The following OPLAH variants were observed in gnomAD, a reference collection of about 807,000 sequenced individuals.
OPLAH encodes 5-oxoprolinase, ATP-hydrolysing.
Under a neutral mutation model 122.8 loss-of-function variants are expected in OPLAH, and 103 were observed. That is an observed-to-expected ratio of 0.84 (90% CI 0.71 to 0.99). The LOEUF (loss-of-function observed/expected upper bound fraction) is 0.99, where lower values mean the gene tolerates loss of function less well. Among genes scored for constraint, OPLAH ranks in the 50% least tolerant of loss-of-function variants. The pLI, the probability that OPLAH is intolerant of heterozygous loss-of-function variation, is 0.00. For missense variants in OPLAH, 1,902 were observed against 1,836.5 expected, an observed-to-expected ratio of 1.04 and a Z score of -0.65; for synonymous variants, 875 against 796.0, an observed-to-expected ratio of 1.10 and a Z score of -1.67.
rs1476032420 is a variant in OPLAH at position 144,051,384 on chromosome 8, A to C, written c.3809T>G (p.Leu1270Arg). 1 of 1,597,172 alleles carries C rather than the reference A, an allele frequency of 6.3e-7. No homozygotes were observed. The highest frequency in any genetic ancestry group is 1.4e-5 in the African/African-American group (1 of 73,140). ...GACGCTGCCGTGCTCGGGAAAGGCC[A>C]GTGCTTGCGGGGGCGACCCCGGCGG... ...APPPGSPPQA[L>R]AFPEHGSVYE... Residue 1270 changes from leucine to arginine, a missense_variant, in exon 27 of 27, where the codon CTG (leucine) becomes CGG (arginine). Leu to Arg is a moderately radical substitution (Grantham distance 102, BLOSUM62 -2). Around this residue, in one of 3 missense-constraint regions of OPLAH, gnomAD observed 1,726 missense variants for 1,642.1 expected, o/e 1.05. Coordinates refer to ENST00000618853, the MANE Select transcript of OPLAH (RefSeq NM_017570.5).
chr8:144,060,099 G>A lies in OPLAH; in HGVS notation c.-53-14C>T. On this transcript the variant is annotated splice_polypyrimidine_tract_variant and intron_variant, in intron 1 of 26. Transcript: ENST00000618853. ...GCCCTGGAAAAACTGGACGGAGGCG[G>A]GGTCAGCCCGGGCTCACCTGCGAGT... The A allele has an allele frequency of 6.6e-7, 1 of 1,520,850 alleles. No homozygotes were observed. The highest frequency in any genetic ancestry group is 8.8e-7 in the Non-Finnish European group (1 of 1,130,114). 94.2% of individuals were successfully genotyped at this position (1,520,850 alleles called of 1,614,324 possible). A position where few individuals can be genotyped will look rare whatever the true frequency, so the allele number is the denominator to read the frequency against.
chr8:144,052,698 G>A (rs1456551198), intron 22 of OPLAH, 68 bp downstream of exon 22: 3 of 1,539,496 alleles, frequency 1.9e-6, no homozygotes, highest in Non-Finnish European at 2.6e-6. Flanking sequence ...GACCGTGGCT[G>A]GGCCCAGGAG....
Position 144,052,572 on chromosome 8 carries a change from G to A in OPLAH, c.3180C>T (p.Val1060=), listed in dbSNP as rs1835409933. 6.3e-7 allele frequency: 1 copy of A among 1,596,756 alleles called. No homozygotes were observed. The change falls in exon 23 of 27, where the codon GTC becomes GTT. Residue 1060 remains valine, a synonymous_variant. Coordinates refer to ENST00000618853, the MANE Select transcript of OPLAH (RefSeq NM_017570.5). ...NQGCLAPVRV[V]IPRGSILDPS... is the part of the protein sequence containing the mutation. ...GGTCCAGGATGGAGCCTCGGGGAAT[G>A]ACCACGCGCACTGGCGCCAGGCAGC... is the stretch of plus-strand genomic sequence containing the variant.
rs782172070 is a variant in OPLAH, at chr8:144,058,479, G to T, written c.783+17C>A. ...CCAGGCCCAGGAGTGGGCAGTGGGG[G>T]TGCCTCACAGCCTCACCTTGAGTTG... On this transcript the variant is annotated intron_variant, in intron 6 of 26. Transcript: ENST00000618853. 6.3e-7 allele frequency: 1 copy of T among 1,575,372 alleles called. No individual in the cohort carries two copies. Among genetic ancestry groups the T allele is most frequent in the East Asian group, 2.2e-5 (1 of 44,450 alleles).
At position 144,051,747 on chromosome 8, in the gene OPLAH, C is replaced by T. The variant is rs1587549314; in HGVS notation, c.3702G>A (p.Ser1234=). 6.2e-7 allele frequency: 1 copy of T among 1,605,600 alleles called. No homozygotes were observed. Among genetic ancestry groups the T allele is most frequent in the Middle Eastern group, 1.7e-4 (1 of 6,038 alleles). Reference sequence around the variant, plus strand: ...CCCTTACCCCGGGGTACACGGTCACCGACGTCTTGCCGCCCAGATTCACCG... The same window carrying T: ...CCCTTACCCCGGGGTACACGGTCACTGACGTCTTGCCGCCCAGATTCACCG... ...GRTVNLGGKT[S]VTVYPGDVFC... Residue 1234 remains serine, a synonymous_variant, in exon 26 of 27, where the codon TCG becomes TCA. Transcript: ENST00000618853.
chr8:144,054,816 G>A lies in OPLAH; in HGVS notation c.2507C>T (p.Thr836Ile). ...CAGGCGGGCAGCACCCCTCACCGGTGTGATAACAGTCAGGTCTGGCAGGTG... is the reference window on the plus strand; with the variant it reads ...CAGGCGGGCAGCACCCCTCACCGGTATGATAACAGTCAGGTCTGGCAGGTG... ...GSHLPDLTVI[T>I]PVFWPGQTRP... Residue 836 changes from threonine to isoleucine, a missense_variant, in exon 18 of 27, where the codon ACA (threonine) becomes ATA (isoleucine). Physicochemically the swap from Thr to Ile is moderately conservative, Grantham distance 89. Transcript: ENST00000618853. 1.2e-6 allele frequency: 2 copies of A among 1,612,288 alleles called. No homozygotes were observed. Among genetic ancestry groups the A allele is most frequent in the Non-Finnish European group, 1.7e-6 (2 of 1,179,808 alleles).
In OPLAH at chr8:144,055,937, G is replaced by A; in HGVS notation, c.2099C>T (p.Thr700Ile). 1.9e-6 allele frequency: 3 copies of A among 1,578,756 alleles called. No individual in the cohort carries two copies. Among genetic ancestry groups the A allele is most frequent in the South Asian group, 1.2e-5 (1 of 86,594 alleles). ...CTGGCAACCTGGCTCCACCAGGATG[G>A]TGCTGGGGAGCAGAGGGCACAGAGG... Reference protein sequence around the residue: ...GPCLIIDSNSTILVEPGCQAE... With the variant: ...GPCLIIDSNSIILVEPGCQAE... The change falls in exon 16 of 27, where the codon ACC (threonine) becomes ATC (isoleucine). Residue 700 changes from threonine to isoleucine, a missense_variant and splice_region_variant. By Grantham distance (89) the Thr-to-Ile change is moderately conservative. This residue lies in a region of OPLAH where 1,726 missense variants were observed against 1,642.1 expected (regional missense o/e 1.05). Coordinates refer to ENST00000618853, the MANE Select transcript of OPLAH (RefSeq NM_017570.5). The surrounding 1 kb of genome is among the most constrained non-coding windows in gnomAD (Gnocchi z 6.5).
rs1296877751 is a variant in OPLAH, at chr8:144,056,234, C to A, written c.2009G>T (p.Gly670Val). 2 of 1,611,734 alleles carry A rather than the reference C, an allele frequency of 1.2e-6. No homozygotes were observed. Among genetic ancestry groups the A allele is most frequent in the East Asian group, 4.5e-5 (2 of 44,848 alleles). The part of the protein sequence containing the change: ...DKMTQCYFEG[G>V]YQETPVYLLA... ...CAGGTACACAGGGGTCTCCTGGTAGCCCCCCTCAAAGTAGCACTGGGTCAT... is the reference window on the plus strand; with the variant it reads ...CAGGTACACAGGGGTCTCCTGGTAGACCCCCTCAAAGTAGCACTGGGTCAT... The change falls in exon 15 of 27, where the codon GGC (glycine) becomes GTC (valine). Residue 670 changes from glycine (G) to valine (V), a missense_variant. Transcript: ENST00000618853.
In OPLAH at chr8:144,051,482, CGGG is replaced by C. The variant is rs782568024; in HGVS notation, c.3721-13_3721-11del. Reference sequence around the variant, plus strand: ...GGAGACAGAACACATCCTGTTGGCGCGGGGGGGGGCGGGGAGGCGGGCTCAGTG... The same window carrying C: ...GGAGACAGAACACATCCTGTTGGCGCGGGGGGCGGGGAGGCGGGCTCAGTG... On this transcript the variant is annotated splice_polypyrimidine_tract_variant and intron_variant, in intron 26 of 26. Coordinates refer to ENST00000618853, the MANE Select transcript of OPLAH (RefSeq NM_017570.5). 7.2e-6 allele frequency: 2 copies of C among 278,256 alleles called. No individual in the cohort carries two copies. The highest frequency in any genetic ancestry group is 1.0e-5 in the Non-Finnish European group (2 of 197,854). 17.2% of individuals were successfully genotyped at this position (278,256 alleles called of 1,614,324 possible).
At chr8:144,056,559 G>A (rs782562735) in intron 13 of OPLAH, 36 bp from the exon 14 acceptor site, 2 of 1,612,334 alleles carry the variant, frequency 1.2e-6, no homozygotes, top group South Asian at 2.2e-5. Flanking sequence ...AGTGGTCAGA[G>A]TGAGGCGGCC....
In OPLAH at chr8:144,055,044, C is replaced by A. The variant is rs781813637; in HGVS notation, c.2394G>T (p.Glu798Asp). 6.6e-7 allele frequency: 1 copy of A among 1,518,282 alleles called. No homozygotes were observed. The highest frequency in any genetic ancestry group is 2.4e-5 in the East Asian group (1 of 42,406). The allele number at this position is 1,518,282 out of a possible 1,614,324, so 94.1% of individuals were successfully genotyped here. A position where few individuals can be genotyped will look rare whatever the true frequency, so the allele number is the denominator to read the frequency against. Residue 798 changes from glutamate to aspartate, a missense_variant, in exon 17 of 27, where the codon GAG becomes GAT. Coordinates refer to ENST00000618853, the MANE Select transcript of OPLAH (RefSeq NM_017570.5). The surrounding 1 kb of genome is among the most constrained non-coding windows in gnomAD (Gnocchi z 6.5). ...GAAGGGCCACCTGGAACTGCACCGT[C>A]TCCTGCATGGCACCCAGGTGCACAG... ...HIPVHLGAMQ[E>D]TVQFQIQHLG...
intron 15 of OPLAH, 102 bp downstream of exon 15, chr8:144,056,045 A>G (rs1835505180): frequency 1.3e-6 from 2 of 1,505,432 alleles, no homozygotes; most frequent in Non-Finnish European, 1.8e-6. Flanking sequence ...GGTGGGATAC[A>G]GAGTCCTGCA....
At chr8:144,062,602 C>G (rs1835681171), upstream of OPLAH, among the ~76,000 whole-genome samples, 1 of 152,096 alleles carries the variant, frequency 6.6e-6, no homozygotes, top group Admixed American at 6.6e-5. Context: ...ATCCCCAGCA[C>G]AGCCTCTTGG....
chr8:144,054,461 G>T, intron 19 of OPLAH, 100 bp downstream of exon 19: 2 of 1,286,110 alleles, frequency 1.6e-6, no homozygotes, highest in Non-Finnish European at 2.1e-6. Flanking sequence ...GGCAGGCCTG[G>T]GCCTATGGGC....
At chr8:144,056,811 A>C (rs1554759320) in intron 12 of OPLAH, 56 bp from the exon 13 acceptor site, 1 of 1,540,542 alleles carries the variant, frequency 6.5e-7, no homozygotes, top group South Asian at 1.2e-5. Flanking sequence ...ACCCCACCCC[A>C]CCCAGCGCCC....
chr8:144,053,626 C>T (rs2129767450), intron 19 of OPLAH, among the ~76,000 whole-genome samples: 1 of 152,218 alleles, frequency 6.6e-6, no homozygotes, highest in Non-Finnish European at 1.5e-5. Flanking sequence ...GTCCACAACC[C>T]CTGCCCCAGC....
At chr8:144,061,471 G>A (rs2129864582), upstream of OPLAH, among the ~76,000 whole-genome samples, 1 of 151,938 alleles carries the variant, frequency 6.6e-6, no homozygotes, top group South Asian at 2.1e-4. Context: ...AGCAGAGATC[G>A]TGTCACTGCA....
intron 19 of OPLAH, 47 bp from the exon 20 acceptor site, chr8:144,053,440 A>G: frequency 6.5e-7 from 1 of 1,535,732 alleles, no homozygotes; most frequent in Non-Finnish European, 8.8e-7. Flanking sequence ...CCCTGTCTGC[A>G]CCCCCAACCC....
chr8:144,063,234 C>A (rs1446983315), upstream of OPLAH, among the ~76,000 whole-genome samples: 2 of 152,218 alleles, frequency 1.3e-5, no homozygotes, highest in South Asian at 2.1e-4. This position sits in a 1 kb window ranked among gnomAD's most constrained non-coding sequence, Gnocchi z 4.2. Flanking sequence ...GCGGCTCCCC[C>A]ACCCAGCGAG....
Sources: gnomAD v4.1 joint callset for allele counts (sites outside exome capture counted in the v4.1 genomes callset) on GRCh38, gnomAD v4.1.1 for gene constraint, gnomAD v4.1.1 regional missense constraint, Gnocchi (gnomAD v3.1) non-coding constraint, MANE v1.5 for transcripts, NCBI Gene and HGNC (gene_info 2026-07-23, HGNC 2026-07-21) for gene names.